Variants in FNDC3B observed in about 807,000 individuals in gnomAD.
FNDC3B encodes fibronectin type III domain-containing protein 3B.
A neutral mutation model predicts 151.5 loss-of-function variants in FNDC3B; 12 were observed. That is an observed-to-expected ratio of 0.08 (90% CI 0.05 to 0.13). The LOEUF is 0.13. FNDC3B is among the 10% of genes least tolerant of loss of function. FNDC3B has a pLI of 1.00. For missense variants in FNDC3B, 1,214 were observed against 1,505.3 expected, an observed-to-expected ratio of 0.81 and a Z score of 3.20; for synonymous variants, 528 against 549.0, an observed-to-expected ratio of 0.96 and a Z score of 0.54.
chr3:172,169,797 C>T (rs908097756), intron 3 of FNDC3B, among the ~76,000 whole-genome samples: 4 of 152,222 alleles, frequency 2.6e-5, no homozygotes, highest in African/African-American at 9.6e-5. Context: ...ATTCCAAAAG[C>T]TGACTGTTCC....
intron 7 of FNDC3B, among the ~76,000 whole-genome samples, chr3:172,291,574 G>C (rs1385195507): frequency 6.6e-6 from 1 of 152,150 alleles, no homozygotes; most frequent in Non-Finnish European, 1.5e-5. Flanking sequence ...ATGTATACTA[G>C]TAACCTATAC....
rs1230931738 is a variant in FNDC3B, at chr3:172,186,824, G to A, written c.188-40047G>A. On this transcript the variant is annotated intron_variant, in intron 3 of 25. Transcript: ENST00000415807. ...TGTGTCATAGATATTTCTTCATTAC[G>A]AGCACTTCGCGGTGTGGCTTTTCAA... is the stretch of plus-strand genomic sequence containing the variant. The A allele has an allele frequency of 1.0e-5, 7 of 682,804 alleles. No homozygotes were observed. In the East Asian group the frequency reaches 1.1e-4, roughly 11 times the overall value. 42.3% of individuals were successfully genotyped at this position (682,804 alleles called of 1,614,324 possible).
At chr3:172,054,860 C>T (rs1716835902) in intron 1 of FNDC3B, among the ~76,000 whole-genome samples, 1 of 152,124 alleles carries the variant, frequency 6.6e-6, no homozygotes, top group South Asian at 2.1e-4. Flanking sequence ...CCTCATGATG[C>T]AGATTACCAT....
intron 3 of FNDC3B, among the ~76,000 whole-genome samples, chr3:172,158,908 C>T (rs1722636406): frequency 6.6e-6 from 1 of 152,180 alleles, no homozygotes; most frequent in African/African-American, 2.4e-5. Context: ...TTTCCCACCT[C>T]CTCTATCAAT....
chr3:172,073,825 G>GT (rs1236794207), intron 1 of FNDC3B, among the ~76,000 whole-genome samples: 3 of 151,502 alleles, frequency 2.0e-5, no homozygotes, highest in African/African-American at 2.4e-5. Context: ...ATTTTGTAGC[G>GT]TAAGTTTACT....
intron 2 of FNDC3B, among the ~76,000 whole-genome samples, chr3:172,129,780 G>GA (rs1297946427): frequency 2.0e-5 from 3 of 151,172 alleles, no homozygotes; most frequent in East Asian, 1.9e-4. Flanking sequence ...GATCTCTGGA[G>GA]AAAAAAAATA....
chr3:172,328,839 A>G (rs1732485842), intron 11 of FNDC3B, 113 bp from the exon 12 acceptor site: 1 of 795,672 alleles, frequency 1.3e-6, no homozygotes, highest in Non-Finnish European at 1.9e-6. Context: ...GTTCATTCAA[A>G]CTAGGAAATT....
chr3:172,215,506 C>G (rs1725930455), intron 3 of FNDC3B, among the ~76,000 whole-genome samples: 1 of 152,188 alleles, frequency 6.6e-6, no homozygotes, highest in South Asian at 2.1e-4. Flanking sequence ...AGTGGATCAC[C>G]TGAGGTCAAG....
intron 9 of FNDC3B, among the ~76,000 whole-genome samples, chr3:172,305,315 A>G (rs368169028): frequency 6.6e-6 from 1 of 152,234 alleles, no homozygotes; most frequent in Admixed American, 6.5e-5. Flanking sequence ...ATGTGTGAAT[A>G]TGTGGTTTGG....
At chr3:172,235,593 AG>A in intron 4 of FNDC3B, among the ~76,000 whole-genome samples, 1 of 152,354 alleles carries the variant, frequency 6.6e-6, no homozygotes, top group East Asian at 1.9e-4. Context: ...TAGAAAGAGC[AG>A]GGGTCAGAGT....
chr3:172,328,004 G>A (rs902372210), intron 11 of FNDC3B, among the ~76,000 whole-genome samples: 1 of 152,212 alleles, frequency 6.6e-6, no homozygotes, highest in African/African-American at 2.4e-5. Flanking sequence ...GTAAGATAAT[G>A]TGGATATGGG....
intron 3 of FNDC3B, among the ~76,000 whole-genome samples, chr3:172,160,114 A>G (rs571618631): frequency 1.3e-5 from 2 of 152,222 alleles, no homozygotes; most frequent in African/African-American, 4.8e-5. Flanking sequence ...ACTCTTTTTC[A>G]TCTGGCATGG....
chr3:172,149,852 T>C (rs1310088780), intron 3 of FNDC3B, among the ~76,000 whole-genome samples: 1 of 136,586 alleles, frequency 7.3e-6, no homozygotes, highest in Admixed American at 7.8e-5. Flanking sequence ...AGAGTCTTGC[T>C]CTGTCACCCA....
At chr3:172,063,704 A>G (rs1219386376) in intron 1 of FNDC3B, among the ~76,000 whole-genome samples, 1 of 152,208 alleles carries the variant, frequency 6.6e-6, no homozygotes, top group Non-Finnish European at 1.5e-5. Flanking sequence ...TGAAAAAAAT[A>G]GAGTCTCTAA....
intron 23 of FNDC3B, among the ~76,000 whole-genome samples, chr3:172,368,427 A>C (rs1734733930): frequency 6.6e-6 from 1 of 152,226 alleles, no homozygotes; most frequent in African/African-American, 2.4e-5. Flanking sequence ...GCTCAGGGCC[A>C]GGCCCTTAAG....
intron 6 of FNDC3B, among the ~76,000 whole-genome samples, chr3:172,264,625 A>T (rs1294303133): frequency 1.3e-5 from 2 of 152,210 alleles, no homozygotes; most frequent in African/African-American, 4.8e-5. Flanking sequence ...TTTAAAATTC[A>T]ACACTTTCAT....
At chr3:172,082,181 T>C (rs950452038) in intron 1 of FNDC3B, among the ~76,000 whole-genome samples, 1 of 152,264 alleles carries the variant, frequency 6.6e-6, no homozygotes, top group African/African-American at 2.4e-5. Context: ...TTTGTGTATA[T>C]GAATTATTTT....
At chr3:172,054,685 G>A (rs1443722318) in intron 1 of FNDC3B, among the ~76,000 whole-genome samples, 7 of 152,166 alleles carry the variant, frequency 4.6e-5, no homozygotes, top group Admixed American at 4.6e-4. Flanking sequence ...GTCTCAGGAG[G>A]GAGGCTGTAA....
Position 172,397,780 on chromosome 3 carries a change from A to T in FNDC3B, c.*305A>T. 5.7e-6 allele frequency: 1 copy of T among 174,490 alleles called. No individual in the cohort carries two copies. 10.8% of individuals were successfully genotyped at this position (174,490 alleles called of 1,614,324 possible). ...ATTTACCTTCATTCTGTTTTCACTG[A>T]TGTCTTTTGCAAGCCTTTGATTTTT... is the stretch of plus-strand genomic sequence containing the variant. On this transcript the variant is annotated 3_prime_UTR_variant, in exon 26 of 26. Transcript: ENST00000415807.
Sources: gnomAD v4.1 joint callset for allele counts (sites outside exome capture counted in the v4.1 genomes callset) on GRCh38, gnomAD v4.1.1 for gene constraint, MANE v1.5 for transcripts, NCBI Gene and HGNC (gene_info 2026-07-23, HGNC 2026-07-21) for gene names.